The following TMEM108 variants were observed in gnomAD, a reference collection of about 807,000 sequenced individuals.
TMEM108 encodes transmembrane protein 108, also known as cancer/testis antigen 124.
Under a neutral mutation model 35.1 loss-of-function variants are expected in TMEM108, and 12 were observed. The observed-to-expected ratio is 0.34, with a 90% CI of 0.22 to 0.55. The LOEUF (loss-of-function observed/expected upper bound fraction) is 0.55, where lower values mean the gene tolerates loss of function less well. Among genes scored for constraint, TMEM108 ranks in the 20% least tolerant of loss-of-function variants. TMEM108 has a pLI of 0.89. For missense variants in TMEM108, 680 were observed against 753.3 expected (o/e 0.90, Z 1.14); for synonymous variants, 287 against 308.6 (o/e 0.93, Z 0.73).
intron 3 of TMEM108, among the ~76,000 whole-genome samples, chr3:133,230,036 G>A (rs1946129546): frequency 6.6e-6 from 1 of 152,200 alleles, no homozygotes; most frequent in Non-Finnish European, 1.5e-5. Context: ...AAACCAATTG[G>A]TGGGTTTGAT....
chr3:133,174,308 C>G (rs1299318467), intron 2 of TMEM108, among the ~76,000 whole-genome samples: 1 of 152,224 alleles, frequency 6.6e-6, no homozygotes, highest in African/African-American at 2.4e-5. Flanking sequence ...ATGTCCCTGT[C>G]TGACAGCTTT....
Position 133,271,353 on chromosome 3 carries a change from A to G in TMEM108, c.40+42002A>G, listed in dbSNP as rs373151793. 3.3e-5 allele frequency among the ~76,000 whole-genome samples: 5 copies of G among 152,208 alleles called. No homozygotes were observed. The East Asian group carries it at 5.8e-4, about 18-fold the overall frequency. ...ACAACCACAACACATTTGTCCTTAG[A>G]AAAATATTAATTTTTTAACCTTTTC... On this transcript the variant is annotated intron_variant, in intron 3 of 5. Coordinates refer to ENST00000321871, the MANE Select transcript of TMEM108 (RefSeq NM_023943.4).
intron 3 of TMEM108, among the ~76,000 whole-genome samples, chr3:133,316,882 C>T (rs931775504): frequency 3.3e-5 from 5 of 152,166 alleles, no homozygotes; most frequent in African/African-American, 7.2e-5. Flanking sequence ...TTGACATAGA[C>T]AGAGCAGGAA....
At chr3:133,187,883 C>CAAAAAAA (rs34894272) in intron 2 of TMEM108, among the ~76,000 whole-genome samples, 41 of 127,266 alleles carry the variant, frequency 3.2e-4, no homozygotes, top group South Asian at 5.6e-4. Context: ...ACGGTTGCTG[C>CAAAAAAA]AAAAAAAAAA....
At chr3:133,213,316 C>G (rs1945861098) in intron 2 of TMEM108, among the ~76,000 whole-genome samples, 1 of 152,074 alleles carries the variant, frequency 6.6e-6, no homozygotes, top group South Asian at 2.1e-4. Flanking sequence ...AGGTATCAGC[C>G]CCATTTAAAA....
chr3:133,320,927 A>G (rs1041459474), intron 3 of TMEM108, among the ~76,000 whole-genome samples: 4 of 152,228 alleles, frequency 2.6e-5, no homozygotes, highest in African/African-American at 9.6e-5. Flanking sequence ...ACTAAGCTTC[A>G]TAAATGAAGG....
intron 3 of TMEM108, among the ~76,000 whole-genome samples, chr3:133,289,040 A>G (rs531458079): frequency 1.1e-4 from 16 of 152,228 alleles, no homozygotes; most frequent in Admixed American, 3.3e-4. Context: ...GAGTCCCCAT[A>G]TAGTAATAGT....
intron 3 of TMEM108, among the ~76,000 whole-genome samples, chr3:133,312,698 C>T (rs112168005): frequency 1.5e-4 from 23 of 152,348 alleles, no homozygotes; most frequent in African/African-American, 5.5e-4. Context: ...TGAGGCAATG[C>T]CCTGCCCTGC....
intron 2 of TMEM108, among the ~76,000 whole-genome samples, chr3:133,054,799 A>G (rs903271165): frequency 6.6e-6 from 1 of 152,220 alleles, no homozygotes; most frequent in Non-Finnish European, 1.5e-5. Flanking sequence ...TGGCAGCACA[A>G]ACAGCCCGTC....
chr3:133,254,255 C>G (rs1434153815), intron 3 of TMEM108, among the ~76,000 whole-genome samples: 12 of 152,026 alleles, frequency 7.9e-5, no homozygotes, highest in Admixed American at 7.9e-4. Context: ...ACAAAGGCAG[C>G]CAGTGAACAA....
chr3:133,260,760 A>C (rs1297582574), intron 3 of TMEM108, among the ~76,000 whole-genome samples: 1 of 152,216 alleles, frequency 6.6e-6, no homozygotes, highest in Non-Finnish European at 1.5e-5. Flanking sequence ...TAGGAGTGGA[A>C]GCAGTGTTTC....
At chr3:133,150,897 A>G (rs1944790565) in intron 2 of TMEM108, among the ~76,000 whole-genome samples, 1 of 152,074 alleles carries the variant, frequency 6.6e-6, no homozygotes, top group African/African-American at 2.4e-5. Context: ...GGAAACTCAG[A>G]CACCTTCATT....
chr3:133,180,451 G>C (rs1307106585), intron 2 of TMEM108, among the ~76,000 whole-genome samples: 1 of 151,846 alleles, frequency 6.6e-6, no homozygotes, highest in African/African-American at 2.4e-5. Flanking sequence ...TAATAATAAA[G>C]GGTTTTATTT....
chr3:133,092,482 T>C (rs545077727), intron 2 of TMEM108, among the ~76,000 whole-genome samples: 2 of 152,352 alleles, frequency 1.3e-5, no homozygotes, highest in African/African-American at 2.4e-5. Context: ...TTTAGACTTT[T>C]AGAATTTTTT....
At chr3:133,389,161 C>T (rs2073196293) in intron 4 of TMEM108, 1 of 985,762 alleles carries the variant, frequency 1.0e-6, no homozygotes, top group Non-Finnish European at 1.2e-6. Flanking sequence ...CAGGCCACCC[C>T]ACCTCTCTGA....
chr3:133,355,204 G>GT (rs1172735085), intron 3 of TMEM108, among the ~76,000 whole-genome samples: 8 of 152,272 alleles, frequency 5.3e-5, no homozygotes, highest in Admixed American at 1.3e-4. Flanking sequence ...GAGGCCATTG[G>GT]TTTTTTCCTT....
At chr3:133,369,695 A>G (rs968023885) in intron 3 of TMEM108, among the ~76,000 whole-genome samples, 6 of 152,250 alleles carry the variant, frequency 3.9e-5, no homozygotes, top group Admixed American at 1.3e-4. Flanking sequence ...GCACATCAGT[A>G]GGTAAATTTG....
At chr3:133,103,567 C>T (rs1003650740) in intron 2 of TMEM108, among the ~76,000 whole-genome samples, 2 of 152,060 alleles carry the variant, frequency 1.3e-5, no homozygotes, top group Admixed American at 6.5e-5. Context: ...GCACTTGTAC[C>T]CCTTTAGTTA....
chr3:133,235,536 G>A (rs1270357442), intron 3 of TMEM108, among the ~76,000 whole-genome samples: 1 of 152,130 alleles, frequency 6.6e-6, no homozygotes, highest in East Asian at 1.9e-4. Context: ...CTTACCTTAG[G>A]TAAGTTACTT....
Sources: allele counts gnomAD v4.1 joint callset (sites outside exome capture counted in the v4.1 genomes callset), GRCh38; gene constraint gnomAD v4.1.1; transcripts MANE v1.5; gene names NCBI Gene and HGNC (gene_info 2026-07-23, HGNC 2026-07-21).